The following ZNF667 variants were observed in gnomAD, a reference collection of about 807,000 sequenced individuals.
ZNF667 encodes zinc finger protein 667, also known as myocardial ischemic preconditioning upregulated 1 ortholog.
ZNF667 carries 13 observed loss-of-function variants against 31.8 expected under a neutral mutation model. The ratio of observed to expected loss-of-function variants is 0.41; its 90% confidence interval spans 0.27 to 0.65. ZNF667 has a LOEUF of 0.65. ZNF667 is among the 30% of genes least tolerant of loss of function. The pLI, the probability that ZNF667 is intolerant of heterozygous loss-of-function variation, is 0.32. For synonymous variants in ZNF667, 228 were observed against 247.1 expected, an observed-to-expected ratio of 0.92 and a Z score of 0.73; for missense variants, 642 against 725.6, an observed-to-expected ratio of 0.88 and a Z score of 1.32.
chr19:56,451,898 A>C (rs1172383839), intron 6 of ZNF667, among the ~76,000 whole-genome samples: 3 of 149,868 alleles, frequency 2.0e-5, no homozygotes, highest in Admixed American at 1.3e-4. Flanking sequence ...AAAAAAAAAA[A>C]ACTTTCAAAT....
intron 3 of ZNF667, chr19:56,467,747 T>C (rs550292399): frequency 1.3e-5 from 2 of 152,372 alleles, no homozygotes; most frequent in East Asian, 3.9e-4. Flanking sequence ...TACTGGTTGA[T>C]TATGAAGGCT....
At chr19:56,452,456 T>A (rs760163917) in intron 6 of ZNF667, among the ~76,000 whole-genome samples, 3 of 152,038 alleles carry the variant, frequency 2.0e-5, no homozygotes, top group East Asian at 3.9e-4. Context: ...AAAAGCAGTA[T>A]GAAGAGAGTT....
intron 3 of ZNF667, among the ~76,000 whole-genome samples, chr19:56,463,628 A>G (rs545183321): frequency 6.6e-6 from 1 of 152,136 alleles, no homozygotes; most frequent in South Asian, 2.1e-4. Context: ...CCCCGGCTCA[A>G]GCGATCCTCC....
intron 6 of ZNF667, among the ~76,000 whole-genome samples, chr19:56,446,399 C>A (rs535126841): frequency 2.0e-5 from 3 of 152,208 alleles, no homozygotes; most frequent in South Asian, 2.1e-4. Context: ...TTTTTGAATA[C>A]ATATTTGGAG....
At chr19:56,471,182 C>T (rs1451057425) in intron 3 of ZNF667, among the ~76,000 whole-genome samples, 1 of 152,084 alleles carries the variant, frequency 6.6e-6, no homozygotes, top group African/African-American at 2.4e-5. Context: ...TTCTCCTGCT[C>T]CCACCATGTA....
chr19:56,472,958 G>A (rs142060263), intron 2 of ZNF667: 2 of 152,362 alleles, frequency 1.3e-5, no homozygotes, highest in African/African-American at 4.8e-5. Context: ...CTTATCCAGT[G>A]CTGGAGGAGA....
At position 56,442,219 on chromosome 19, in the gene ZNF667, C is replaced by T; in HGVS notation, c.776G>A (p.Gly259Glu). Residue 259 changes from glycine (G) to glutamate (E), a missense_variant, in exon 7 of 7, where the codon GGA becomes GAA. Coordinates refer to ENST00000504904, the MANE Select transcript of ZNF667 (RefSeq NM_001321356.2). Reference protein sequence around the residue: ...VGNVCQCRKCGKAFNQMSSLL... With the variant: ...VGNVCQCRKCEKAFNQMSSLL... The stretch of plus-strand genomic sequence containing the variant: ...GGATGACATCTGATTGAAGGCTTTT[C>T]CGCACTTTCTGCACTGGCAGACATT... 1 of 1,614,130 alleles carries T rather than the reference C, an allele frequency of 6.2e-7. No individual in the cohort carries two copies. The highest frequency in any genetic ancestry group is 8.5e-7 in the Non-Finnish European group (1 of 1,180,028).
rs183897857 is a variant in ZNF667 at position 56,457,121 on chromosome 19, A to G, written c.253+1034T>C. Among the ~76,000 whole-genome samples the G allele has an allele frequency of 2.9e-3, 445 of 152,340 alleles. 5 individuals carry two copies. Among genetic ancestry groups the G allele is most frequent in the South Asian group, 0.021 (101 of 4,830 alleles). ...CAGAAACTCAATGAATGCTACTTAA[A>G]GAAACAAACATACAAAATATATAAC... On this transcript the variant is annotated intron_variant, in intron 6 of 6. Transcript: ENST00000504904.
At chr19:56,473,728 C>T (rs987469704) in intron 2 of ZNF667, among the ~76,000 whole-genome samples, 9 of 151,942 alleles carry the variant, frequency 5.9e-5, no homozygotes, top group African/African-American at 1.9e-4. Flanking sequence ...ACATCAACTG[C>T]GCCAAGGCTG....
intron 1 of ZNF667, chr19:56,475,223 T>A (rs184408746): frequency 6.6e-6 from 1 of 152,366 alleles, no homozygotes; most frequent in East Asian, 1.9e-4. Context: ...AAGTTCCAGC[T>A]GAGTAAAAAC....
chr19:56,476,948 G>T (rs1225675307), intron 1 of ZNF667: 1 of 152,932 alleles, frequency 6.5e-6, no homozygotes, highest in African/African-American at 2.4e-5. Context: ...TTTCCTTCGC[G>T]TGGGTCACGC....
intron 3 of ZNF667, chr19:56,470,019 G>A (rs762588756): frequency 6.5e-6 from 3 of 459,216 alleles, no homozygotes; most frequent in African/African-American, 2.0e-5. Context: ...TTTATCTCTT[G>A]TCCTCCACCG....
At chr19:56,442,957 A>G (rs528624752) in intron 6 of ZNF667, among the ~76,000 whole-genome samples, 6 of 152,194 alleles carry the variant, frequency 3.9e-5, no homozygotes, top group African/African-American at 7.2e-5. Flanking sequence ...TTGAAAATGA[A>G]TAAGATTTTA....
At chr19:56,466,042 C>A (rs750384231) in intron 3 of ZNF667, among the ~76,000 whole-genome samples, 2 of 152,166 alleles carry the variant, frequency 1.3e-5, no homozygotes, top group African/African-American at 2.4e-5. Flanking sequence ...GACACTGAGT[C>A]TCTAATGGGC....
chr19:56,458,116 A>C (rs1187503025), intron 6 of ZNF667, 39 bp downstream of exon 6: 1 of 1,551,868 alleles, frequency 6.4e-7, no homozygotes, highest in Non-Finnish European at 8.9e-7. Flanking sequence ...TAGCAGCCCC[A>C]GTAGACTGAG....
At chr19:56,469,684 TTCAGA>T (rs1451345967) in intron 3 of ZNF667, among the ~76,000 whole-genome samples, 1 of 152,040 alleles carries the variant, frequency 6.6e-6, no homozygotes, top group Non-Finnish European at 1.5e-5. Flanking sequence ...TCACGGCTGG[TTCAGA>T]TATTTTTTTT....
At chr19:56,459,135 G>C (rs1053924410) in intron 5 of ZNF667, among the ~76,000 whole-genome samples, 7 of 152,208 alleles carry the variant, frequency 4.6e-5, no homozygotes, top group Non-Finnish European at 1.0e-4. Context: ...CAAACATCTG[G>C]TGTTAGAGTG....
chr19:56,453,380 A>G (rs1346656985), intron 6 of ZNF667, among the ~76,000 whole-genome samples: 1 of 152,208 alleles, frequency 6.6e-6, no homozygotes, highest in Non-Finnish European at 1.5e-5. Flanking sequence ...CAAGGCCAGT[A>G]TTACCCTGAT....
intron 4 of ZNF667, among the ~76,000 whole-genome samples, chr19:56,462,040 C>T (rs780411978): frequency 5.3e-5 from 8 of 152,236 alleles, no homozygotes; most frequent in Admixed American, 1.3e-4. Context: ...TCTTCCTCCA[C>T]GGAGGACATT....
Sources: allele counts gnomAD v4.1 joint callset (sites outside exome capture counted in the v4.1 genomes callset), GRCh38; gene constraint gnomAD v4.1.1; transcripts MANE v1.5; gene names NCBI Gene and HGNC (gene_info 2026-07-23, HGNC 2026-07-21).